Variants in KIF1C observed in about 807,000 individuals in gnomAD.
The protein encoded by KIF1C is kinesin family member 1C, also known as kinesin-like protein KIF1C.
Under a neutral mutation model 126.5 loss-of-function variants are expected in KIF1C, and 61 were observed. That is an observed-to-expected ratio of 0.48 (90% CI 0.39 to 0.60). The LOEUF is 0.60. Ranked by LOEUF, KIF1C falls within the 20% of genes least tolerant of loss-of-function variation. The pLI, the probability that KIF1C is intolerant of heterozygous loss-of-function variation, is 0.00. For missense variants in KIF1C, 1,315 were observed against 1,489.2 expected (o/e 0.88, Z 1.93); for synonymous variants, 640 against 580.6 (o/e 1.10, Z -1.47).
intron 13 of KIF1C, among the ~76,000 whole-genome samples, chr17:5,005,784 T>G (rs1974715233): frequency 6.6e-6 from 1 of 150,960 alleles, no homozygotes; most frequent in Non-Finnish European, 1.5e-5. Context: ...TGGAGTGCAG[T>G]GGCTCCATCT....
chr17:5,016,307 T>C (rs2143364199), intron 18 of KIF1C, among the ~76,000 whole-genome samples: 2 of 151,630 alleles, frequency 1.3e-5, no homozygotes, highest in East Asian at 3.9e-4. Context: ...CCGGCTAATT[T>C]TGTATTTTTA....
rs532603156 is a variant in KIF1C at position 5,028,101 on chromosome 17, G to A, written c.*3950G>A. On this transcript the variant is annotated 3_prime_UTR_variant, in exon 23 of 23. Transcript: ENST00000320785. ...CCTCTCAAATTGCCCAGGCTGTCCT[G>A]TGAGTGACAGCAGCTATTTCGTGGG... 1.9e-4 allele frequency: 29 copies of A among 152,282 alleles called. No individual in the cohort carries two copies. Among genetic ancestry groups the A allele is most frequent in the African/African-American group, 6.7e-4 (28 of 41,536 alleles). 9.4% of individuals were successfully genotyped at this position (152,282 alleles called of 1,614,324 possible).
rs1441872651 is a variant in KIF1C, at chr17:5,023,186, T to A, written c.2629-282T>A. Among the ~76,000 whole-genome samples, 2 of 152,086 alleles carry A rather than the reference T, an allele frequency of 1.3e-5. No individual in the cohort carries two copies. Among genetic ancestry groups the A allele is most frequent in the African/African-American group, 4.8e-5 (2 of 41,414 alleles). On this transcript the variant is annotated intron_variant, in intron 22 of 22. Coordinates refer to ENST00000320785, the MANE Select transcript of KIF1C (RefSeq NM_006612.6). The surrounding 1 kb of genome is among the most constrained non-coding windows in gnomAD (Gnocchi z 4.2). ...CGCACCACCACACCCGGCTAATTTT[T>A]TTTTTTTGTATTTTAGTAGAGACGG...
rs1238731082 is a variant in KIF1C, at chr17:5,020,111, GGGCGT to G, written c.1750+36_1750+40del. 1.3e-6 allele frequency: 2 copies of G among 1,526,792 alleles called. No individual in the cohort carries two copies. Among genetic ancestry groups the G allele is most frequent in the South Asian group, 2.4e-5 (2 of 84,002 alleles). 94.6% of individuals were successfully genotyped at this position (1,526,792 alleles called of 1,614,324 possible). On this transcript the variant is annotated intron_variant, in intron 19 of 22. Coordinates refer to ENST00000320785, the MANE Select transcript of KIF1C (RefSeq NM_006612.6). The surrounding 1 kb of genome is among the most constrained non-coding windows in gnomAD (Gnocchi z 5.8). The stretch of plus-strand genomic sequence containing the variant: ...GATGTGTCGCAGATTGAGGGTTCTG[GGGCGT>G]GGCTGTGTGTAGGAAGTCTCAAGGG...
Position 5,022,076 on chromosome 17 carries a change from C to A in KIF1C, c.2011-16C>A. ...TGTCCTTAGCCCTCTCTTCCTCTTT[C>A]TTTCTCTGGCCCCAGTATGCAGACT... On this transcript the variant is annotated splice_polypyrimidine_tract_variant and intron_variant, in intron 21 of 22. Coordinates refer to ENST00000320785, the MANE Select transcript of KIF1C (RefSeq NM_006612.6). This position sits in a 1 kb window ranked among gnomAD's most constrained non-coding sequence, Gnocchi z 4.9. 6 of 1,583,608 alleles carry A rather than the reference C, an allele frequency of 3.8e-6. No individual in the cohort carries two copies. The highest frequency in any genetic ancestry group is 5.2e-6 in the Non-Finnish European group (6 of 1,161,718).
intron 16 of KIF1C, among the ~76,000 whole-genome samples, chr17:5,009,786 CAAA>C (rs1213067279): frequency 2.2e-5 from 2 of 89,752 alleles, no homozygotes; most frequent in Admixed American, 1.2e-4. Context: ...GACTCTGTCT[CAAA>C]AAAAAAAAAA....
At chr17:5,021,915 T>G (rs922554932) in intron 21 of KIF1C, among the ~76,000 whole-genome samples, 177 bp from the exon 22 acceptor site, 2 of 152,170 alleles carry the variant, frequency 1.3e-5, no homozygotes, top group African/African-American at 2.4e-5. Flanking sequence ...CTATCTCTGT[T>G]GTCTAGAAGA....
rs1975144987 is a variant in KIF1C at position 5,023,744 on chromosome 17, T to C, written c.2905T>C (p.Phe969Leu). The C allele has an allele frequency of 6.6e-7, 1 of 1,523,944 alleles. No individual in the cohort carries two copies. Among genetic ancestry groups the C allele is most frequent in the Non-Finnish European group, 8.8e-7 (1 of 1,138,762 alleles). 94.4% of individuals were successfully genotyped at this position (1,523,944 alleles called of 1,614,324 possible). A position where few individuals can be genotyped will look rare whatever the true frequency, so the allele number is the denominator to read the frequency against. ...GGGLRRPPAR[F>L]VPPHDCKLRF... ...GGGGCTGCGCAGGCCCCCAGCCCGCTTTGTGCCCCCTCACGACTGCAAGCT... is the reference window on the plus strand; with the variant it reads ...GGGGCTGCGCAGGCCCCCAGCCCGCCTTGTGCCCCCTCACGACTGCAAGCT... The change falls in exon 23 of 23, where the codon TTT becomes CTT. Residue 969 changes from phenylalanine to leucine, a missense_variant. By Grantham distance (22) the Phe-to-Leu change is conservative. Around this residue, in one of 2 missense-constraint regions of KIF1C, gnomAD observed 441 missense variants for 436.1 expected, o/e 1.01. Transcript: ENST00000320785. This position sits in a 1 kb window ranked among gnomAD's most constrained non-coding sequence, Gnocchi z 4.2.
At chr17:5,005,935 A>T (rs966321384) in intron 13 of KIF1C, among the ~76,000 whole-genome samples, 5 of 151,694 alleles carry the variant, frequency 3.3e-5, no homozygotes, top group Non-Finnish European at 7.4e-5. Flanking sequence ...AGCCTGGCAC[A>T]GTGGCTCACG....
chr17:5,012,298 C>T (rs974766656), intron 16 of KIF1C, among the ~76,000 whole-genome samples: 3 of 151,476 alleles, frequency 2.0e-5, no homozygotes, highest in African/African-American at 7.3e-5. Context: ...CTTAGGAAAA[C>T]TTCCCGGAGG....
intron 18 of KIF1C, among the ~76,000 whole-genome samples, chr17:5,017,839 C>CA (rs1975007360): frequency 6.6e-6 from 1 of 152,102 alleles, no homozygotes; most frequent in South Asian, 2.1e-4. Flanking sequence ...TGGCAGGCAC[C>CA]AGGGGCTGTG....
At chr17:5,017,452 C>CA (rs992200185) in intron 18 of KIF1C, among the ~76,000 whole-genome samples, 28 of 151,986 alleles carry the variant, frequency 1.8e-4, no homozygotes, top group African/African-American at 6.5e-4. Context: ...GGCGCCCCCC[C>CA]ACCACCACAC....
chr17:5,005,436 A>G (rs541762644), intron 13 of KIF1C, among the ~76,000 whole-genome samples: 1 of 152,324 alleles, frequency 6.6e-6, no homozygotes, highest in Admixed American at 6.5e-5. Context: ...ACTGATGGAA[A>G]TAGTGTCCAA....
chr17:5,004,815 T>G, intron 12 of KIF1C, 40 bp from the exon 13 acceptor site: 1 of 1,613,324 alleles, frequency 6.2e-7, no homozygotes, highest in African/African-American at 1.3e-5. Context: ...AAGGGTCCCC[T>G]GCCCCCAGGC....
Position 5,027,256 on chromosome 17 carries a change from G to C in KIF1C, c.*3105G>C, listed in dbSNP as rs1018334167. ...CGATTCTCCTGCCTCAGCCTCCTGA[G>C]TAGCTAGGATTACAGGCGCCCACAA... is the stretch of plus-strand genomic sequence containing the variant. On this transcript the variant is annotated 3_prime_UTR_variant, in exon 23 of 23. Transcript: ENST00000320785. 1 of 152,242 alleles carries C rather than the reference G, an allele frequency of 6.6e-6. No individual in the cohort carries two copies. Among genetic ancestry groups the C allele is most frequent in the African/African-American group, 2.4e-5 (1 of 41,454 alleles). The allele number at this position is 152,242 out of a possible 1,614,324, so 9.4% of individuals were successfully genotyped here.
intron 18 of KIF1C, chr17:5,019,297 C>A (rs1975040047): frequency 6.0e-6 from 1 of 167,834 alleles, no homozygotes; most frequent in Non-Finnish European, 1.5e-5. Flanking sequence ...TATAGAATAT[C>A]ACAGAAGTTA....
chr17:5,007,186 G>A, intron 14 of KIF1C, 77 bp from the exon 15 acceptor site: 1 of 1,565,230 alleles, frequency 6.4e-7, no homozygotes, highest in Non-Finnish European at 8.7e-7. Flanking sequence ...GAGTAGCATG[G>A]CCCCAGGGTA....
chr17:5,000,333 C>A lies in KIF1C; in HGVS notation c.87C>A (p.Ser29Arg). 1 of 1,587,992 alleles carries A rather than the reference C, an allele frequency of 6.3e-7. No homozygotes were observed. Among genetic ancestry groups the A allele is most frequent in the Non-Finnish European group, 8.6e-7 (1 of 1,168,260 alleles). Reference sequence around the variant, plus strand: ...GCCAGGATGCCAAGTGTGTGGTCAGCATGCAGGGCAACACCACCTGTGAGT... The same window carrying A: ...GCCAGGATGCCAAGTGTGTGGTCAGAATGCAGGGCAACACCACCTGTGAGT... ...ETSQDAKCVV[S>R]MQGNTTSIIN... The change falls in exon 3 of 23, where the codon AGC becomes AGA. Residue 29 changes from serine to arginine, a missense_variant. By Grantham distance (110) the Ser-to-Arg change is moderately radical. Transcript: ENST00000320785.
Position 5,022,570 on chromosome 17 carries a change from T to C in KIF1C, c.2489T>C (p.Val830Ala). The change falls in exon 22 of 23, where the codon GTG (valine) becomes GCG (alanine). Residue 830 changes from valine (V) to alanine (A), a missense_variant. By Grantham distance (64) the Val-to-Ala change is moderately conservative (BLOSUM62 0). Around this residue, in one of 2 missense-constraint regions of KIF1C, gnomAD observed 441 missense variants for 436.1 expected, o/e 1.01. Coordinates refer to ENST00000320785, the MANE Select transcript of KIF1C (RefSeq NM_006612.6). The surrounding 1 kb of genome is among the most constrained non-coding windows in gnomAD (Gnocchi z 4.9). The part of the protein sequence containing the change: ...GSEEGARGAE[V>A]EDLRAHIDKL... The stretch of plus-strand genomic sequence containing the variant: ...GAGGAGGGAGCCCGAGGGGCGGAGG[T>C]GGAGGACCTCCGGGCCCACATCGAC... The C allele has an allele frequency of 6.3e-7, 1 of 1,596,506 alleles. No individual in the cohort carries two copies. Among genetic ancestry groups the C allele is most frequent in the Admixed American group, 1.8e-5 (1 of 57,004 alleles).
Sources: gnomAD v4.1 joint callset for allele counts (sites outside exome capture counted in the v4.1 genomes callset) on GRCh38, gnomAD v4.1.1 for gene constraint, gnomAD v4.1.1 regional missense constraint, Gnocchi (gnomAD v3.1) non-coding constraint, MANE v1.5 for transcripts, NCBI Gene and HGNC (gene_info 2026-07-23, HGNC 2026-07-21) for gene names.